The following LRRTM4 variants were observed in gnomAD, a reference collection of about 807,000 sequenced individuals.
LRRTM4 encodes leucine rich repeat transmembrane neuronal 4.
In LRRTM4, 25 loss-of-function variants were observed where a neutral mutation model predicts 47.6. The observed-to-expected ratio is 0.53, with a 90% confidence interval of 0.38 to 0.73. The LOEUF is 0.73. Ranked by LOEUF, LRRTM4 falls within the 30% of genes least tolerant of loss-of-function variation. The probability of loss-of-function intolerance (pLI) is 0.00; values close to 1 mark genes in which losing one functional copy is unlikely to be tolerated. For synonymous variants in LRRTM4, 311 were observed against 269.5 expected, an observed-to-expected ratio of 1.15 and a Z score of -1.51; for missense variants, 638 against 713.4, an observed-to-expected ratio of 0.89 and a Z score of 1.20.
chr2:77,337,353 CA>C (rs1244540113), intron 3 of LRRTM4, among the ~76,000 whole-genome samples: 3 of 151,970 alleles, frequency 2.0e-5, no homozygotes, highest in Non-Finnish European at 2.9e-5. Flanking sequence ...CATTTTTTAA[CA>C]GAATTAGAAT....
chr2:77,214,769 G>GA (rs201385023), intron 3 of LRRTM4, among the ~76,000 whole-genome samples: 1,693 of 150,742 alleles, frequency 0.011, 32 homozygotes, highest in African/African-American at 0.039. Context: ...ACTCGTCTCT[G>GA]AAAAAAAATA....
At chr2:77,343,433 AC>A (rs1671447502) in intron 3 of LRRTM4, among the ~76,000 whole-genome samples, 1 of 151,830 alleles carries the variant, frequency 6.6e-6, no homozygotes, top group Admixed American at 6.6e-5. Context: ...ATGTATATTA[AC>A]TCTTGAAGAC....
intron 3 of LRRTM4, among the ~76,000 whole-genome samples, chr2:77,081,472 T>C (rs1352634807): frequency 6.6e-6 from 1 of 152,038 alleles, no homozygotes. Flanking sequence ...AAATCACTGA[T>C]ATATATATTT....
intron 3 of LRRTM4, among the ~76,000 whole-genome samples, chr2:77,158,048 G>A (rs993704765): frequency 2.0e-5 from 3 of 152,112 alleles, no homozygotes; most frequent in African/African-American, 4.8e-5. Flanking sequence ...TGTGTTCTTG[G>A]TGAAAAAACA....
At chr2:77,080,128 G>C (rs78611953) in intron 3 of LRRTM4, among the ~76,000 whole-genome samples, 3,342 of 152,128 alleles carry the variant, frequency 0.022, 85 homozygotes, top group African/African-American at 0.069. Context: ...TAAATTCAAT[G>C]TTTATTTCTT....
chr2:77,344,770 G>A (rs1401096505), intron 3 of LRRTM4, among the ~76,000 whole-genome samples: 1 of 151,666 alleles, frequency 6.6e-6, no homozygotes, highest in Non-Finnish European at 1.5e-5. Context: ...GAAAACTAAA[G>A]AGAGTAAATT....
chr2:77,042,638 T>C (rs1679075015), intron 3 of LRRTM4, among the ~76,000 whole-genome samples: 1 of 148,494 alleles, frequency 6.7e-6, no homozygotes, highest in South Asian at 2.1e-4. Context: ...AATCTTTATA[T>C]AAAGTAAAAT....
In LRRTM4 at chr2:77,155,135, G is replaced by A. The variant is rs150357303; in HGVS notation, c.1551+363183C>T. On this transcript the variant is annotated intron_variant, in intron 3 of 3. Coordinates refer to ENST00000409884, the MANE Select transcript of LRRTM4 (RefSeq NM_001134745.3). ...AAATAAACAGTTGCATGGCAGCAAT[G>A]TAATACACAAAGTACATTTTGATTT... 2.6e-3 allele frequency among the ~76,000 whole-genome samples: 391 copies of A among 152,034 alleles called. 1 individual carries two copies. Among genetic ancestry groups the A allele is most frequent in the Middle Eastern group, 6.8e-3 (2 of 294 alleles).
chr2:77,404,458 T>G (rs1294258013), intron 3 of LRRTM4, among the ~76,000 whole-genome samples: 1 of 152,044 alleles, frequency 6.6e-6, no homozygotes, highest in Non-Finnish European at 1.5e-5. Context: ...TCTTTCTCTG[T>G]TGGGCACTAC....
At chr2:77,456,141 T>G (rs1468857380) in intron 3 of LRRTM4, among the ~76,000 whole-genome samples, 1 of 152,142 alleles carries the variant, frequency 6.6e-6, no homozygotes, top group Admixed American at 6.5e-5. Context: ...AAATCCCTAC[T>G]GACTAAATTC....
rs1156557293 is a variant in LRRTM4, at chr2:77,044,795, T to G, written c.1552-295879A>C. Among the ~76,000 whole-genome samples the G allele has an allele frequency of 2.0e-5, 3 of 151,812 alleles. No homozygotes were observed. In the East Asian group the frequency reaches 5.8e-4, roughly 29 times the overall value. ...ACATACATATGTATAGATACAGGTG[T>G]ATAAATTATGTGAATGTGTGTGTGA... On this transcript the variant is annotated intron_variant, in intron 3 of 3. Transcript: ENST00000409884.
intron 3 of LRRTM4, among the ~76,000 whole-genome samples, chr2:77,390,868 T>C (rs576907291): frequency 6.6e-6 from 1 of 151,918 alleles, no homozygotes; most frequent in South Asian, 2.1e-4. Flanking sequence ...ATTTTTAATC[T>C]TTTTGAGCAT....
At chr2:77,421,910 C>T (rs937609221) in intron 3 of LRRTM4, among the ~76,000 whole-genome samples, 8 of 152,120 alleles carry the variant, frequency 5.3e-5, no homozygotes, top group Admixed American at 6.6e-5. Flanking sequence ...TCTTATAAGC[C>T]TATAATACTG....
chr2:76,954,424 T>C (rs1201715968), intron 3 of LRRTM4, among the ~76,000 whole-genome samples: 6 of 151,630 alleles, frequency 4.0e-5, no homozygotes, highest in African/African-American at 1.5e-4. Flanking sequence ...AAAAATTCAC[T>C]ACAGTTTCTA....
intron 3 of LRRTM4, among the ~76,000 whole-genome samples, chr2:77,037,156 G>T (rs1678864988): frequency 1.3e-5 from 2 of 151,876 alleles, no homozygotes; most frequent in East Asian, 3.9e-4. Flanking sequence ...TTCACCAGAA[G>T]TATAAATGCA....
intron 3 of LRRTM4, among the ~76,000 whole-genome samples, chr2:77,011,294 G>C (rs1435532963): frequency 1.3e-5 from 2 of 152,052 alleles, no homozygotes; most frequent in African/African-American, 4.8e-5. Context: ...AAATTAGAGT[G>C]TATTTGTACT....
intron 3 of LRRTM4, among the ~76,000 whole-genome samples, chr2:77,334,814 T>C (rs1331741371): frequency 6.6e-6 from 1 of 152,248 alleles, no homozygotes; most frequent in African/African-American, 2.4e-5. Context: ...AAAGATAGGA[T>C]ACTAGTCTTT....
chr2:77,249,796 C>G (rs558068442), intron 3 of LRRTM4, among the ~76,000 whole-genome samples: 2 of 152,260 alleles, frequency 1.3e-5, no homozygotes, highest in African/African-American at 4.8e-5. Context: ...ACCATATGAC[C>G]TAGCTAGCAG....
chr2:77,151,596 C>A (rs759228539), intron 3 of LRRTM4, among the ~76,000 whole-genome samples: 143 of 152,134 alleles, frequency 9.4e-4, no homozygotes, highest in Non-Finnish European at 2.8e-4. Flanking sequence ...ATTATTCAGC[C>A]TTAAAGAGGA....
Sources: gnomAD v4.1 joint callset for allele counts (sites outside exome capture counted in the v4.1 genomes callset) on GRCh38, gnomAD v4.1.1 for gene constraint, MANE v1.5 for transcripts, NCBI Gene and HGNC (gene_info 2026-07-23, HGNC 2026-07-21) for gene names.